B4GALNT3: variants seen among roughly 807,000 people sequenced by gnomAD.
B4GALNT3 encodes the protein beta-1,4-N-acetylgalactosaminyltransferase 3.
A neutral mutation model predicts 120.2 loss-of-function variants in B4GALNT3; 86 were observed. That is an observed-to-expected ratio of 0.72 (90% CI 0.60 to 0.86). B4GALNT3 has a LOEUF of 0.86. Among genes scored for constraint, B4GALNT3 ranks in the 40% least tolerant of loss-of-function variants. B4GALNT3 has a pLI of 0.00. For synonymous variants in B4GALNT3, 518 were observed against 510.4 expected (o/e 1.01, Z -0.20); for missense variants, 1,167 against 1,298.9 (o/e 0.90, Z 1.56).
chr12:496,771 A>C (rs1389392873), intron 1 of B4GALNT3, among the ~76,000 whole-genome samples: 1 of 152,092 alleles, frequency 6.6e-6, no homozygotes, highest in Non-Finnish European at 1.5e-5. Context: ...GGCAACCTCT[A>C]TTCTGCCTTC....
At position 547,970 on chromosome 12, in the gene B4GALNT3, G is replaced by A. The variant is rs74056264; in HGVS notation, c.708-54G>A. On this transcript the variant is annotated intron_variant, in intron 7 of 19. Transcript: ENST00000266383. ...CTGGAAGGGGGTGGGACAGAGCCGC[G>A]ACCCCAGGGCCCATGGAGATGGCGC... is the stretch of plus-strand genomic sequence containing the variant. 1,491 of 1,506,814 alleles carry A rather than the reference G, an allele frequency of 9.9e-4. 14 individuals are homozygous for A. In the African/African-American group the frequency reaches 0.017, roughly 18 times the overall value. The allele number at this position is 1,506,814 out of a possible 1,614,324, so 93.3% of individuals were successfully genotyped here.
intron 1 of B4GALNT3, among the ~76,000 whole-genome samples, chr12:500,864 G>GTTTTTTTTTTTTTTTTTTTTT (rs1565594758): frequency 6.0e-5 from 1 of 16,754 alleles, no homozygotes; most frequent in African/African-American, 3.2e-4. Flanking sequence ...TGGCTCCACT[G>GTTTTTTTTTTTTTTTTTTTTT]CTTTTTTTTT....
In B4GALNT3 at chr12:460,642, G is replaced by C. The variant is rs1946011773; in HGVS notation, c.169+97G>C. On this transcript the variant is annotated intron_variant, in intron 1 of 19. Transcript: ENST00000266383. The surrounding 1 kb of genome is among the most constrained non-coding windows in gnomAD (Gnocchi z 8.0). The stretch of plus-strand genomic sequence containing the variant: ...CGCCTCTCATCCCATCCTCAGACCC[G>C]ATTTCCCACCCATTTCTCCCTCAGG... 8.7e-7 allele frequency: 1 copy of C among 1,145,078 alleles called. No homozygotes were observed. Among genetic ancestry groups the C allele is most frequent in the South Asian group, 3.3e-5 (1 of 30,378 alleles). The allele number at this position is 1,145,078 out of a possible 1,614,324, so 70.9% of individuals were successfully genotyped here.
At chr12:513,629 ATC>A (rs1565599323) in intron 1 of B4GALNT3, among the ~76,000 whole-genome samples, 1 of 152,078 alleles carries the variant, frequency 6.6e-6, no homozygotes, top group Non-Finnish European at 1.5e-5. Flanking sequence ...TATACCTCCT[ATC>A]TCATTCTGTG....
At chr12:512,385 CACCTTCTTCCACCTTTG>C in intron 1 of B4GALNT3, among the ~76,000 whole-genome samples, 1 of 139,014 alleles carries the variant, frequency 7.2e-6, no homozygotes, top group Non-Finnish European at 1.5e-5. Flanking sequence ...TTCCACCTTC[CACCTTCTTCCACCTTTG>C]ACCTTCCACC....
intron 1 of B4GALNT3, among the ~76,000 whole-genome samples, chr12:480,579 A>G (rs1317981077): frequency 6.6e-6 from 1 of 150,620 alleles, no homozygotes; most frequent in African/African-American, 2.5e-5. Context: ...GAGAAAGACT[A>G]TGATAAGGAG....
intron 1 of B4GALNT3, among the ~76,000 whole-genome samples, chr12:461,104 C>T (rs1051746833): frequency 1.3e-5 from 2 of 152,152 alleles, no homozygotes; most frequent in African/African-American, 4.8e-5. Context: ...GTCTCTTCCC[C>T]GCTTCCCATA....
rs561173426 is a variant in B4GALNT3, at chr12:500,256, G to A, written c.170-34910G>A. 5.9e-5 allele frequency among the ~76,000 whole-genome samples: 9 copies of A among 152,202 alleles called. No individual in the cohort carries two copies. In the South Asian group the frequency reaches 1.2e-3, roughly 21 times the overall value. ...ACTCCTGGGCTCAAGCGATCCTCCC[G>A]CCTTGGCCTCCCAAAGTGTTGAGAT... On this transcript the variant is annotated intron_variant, in intron 1 of 19. Transcript: ENST00000266383.
chr12:466,869 C>G (rs1408601643), intron 1 of B4GALNT3, among the ~76,000 whole-genome samples: 1 of 151,782 alleles, frequency 6.6e-6, no homozygotes. Flanking sequence ...TGTGGTTCCT[C>G]TTTTTTTTCA....
At chr12:491,922 G>A (rs186174485) in intron 1 of B4GALNT3, among the ~76,000 whole-genome samples, 136 of 152,056 alleles carry the variant, frequency 8.9e-4, no homozygotes, top group Admixed American at 1.6e-3. Flanking sequence ...GCCAGGTGTG[G>A]TGGTGGGTGC....
At chr12:541,865 C>T (rs1946921838) in intron 3 of B4GALNT3, among the ~76,000 whole-genome samples, 3 of 134,156 alleles carry the variant, frequency 2.2e-5, no homozygotes, top group East Asian at 2.7e-4. Flanking sequence ...CCCCCCACCC[C>T]CCGGCCTCTG....
intron 1 of B4GALNT3, among the ~76,000 whole-genome samples, chr12:500,684 C>T (rs994670608): frequency 4.9e-4 from 74 of 152,148 alleles, no homozygotes; most frequent in African/African-American, 1.8e-3. Context: ...ACCCGGGACC[C>T]ACCAGGCCTT....
At chr12:475,834 A>G (rs1466184457) in intron 1 of B4GALNT3, among the ~76,000 whole-genome samples, 1 of 152,192 alleles carries the variant, frequency 6.6e-6, no homozygotes, top group Admixed American at 6.5e-5. Flanking sequence ...GCTCCAGAGT[A>G]TCTGGTTAGG....
intron 13 of B4GALNT3, 172 bp from the exon 14 acceptor site, chr12:553,022 A>T: frequency 1.2e-6 from 1 of 848,156 alleles, no homozygotes; most frequent in Non-Finnish European, 1.9e-6. Context: ...AACTGGGGTT[A>T]ATTGAGGTTG....
intron 1 of B4GALNT3, among the ~76,000 whole-genome samples, chr12:475,637 TTC>T (rs989778284): frequency 1.4e-4 from 22 of 152,138 alleles, no homozygotes; most frequent in African/African-American, 5.3e-4. Flanking sequence ...CTGCTTATCC[TTC>T]TCTCTCATCT....
In B4GALNT3 at chr12:545,424, C is replaced by G; in HGVS notation, c.594C>G (p.Leu198=). 1.2e-6 allele frequency: 2 copies of G among 1,611,732 alleles called. No individual in the cohort carries two copies. Among genetic ancestry groups the G allele is most frequent in the African/African-American group, 1.3e-5 (1 of 75,004 alleles). The change falls in exon 6 of 20, where the codon CTC becomes CTG. Residue 198 remains leucine, a synonymous_variant. Transcript: ENST00000266383. ...ACAACGCGGAGTTCTGGCTGAGCCT[C>G]GATGACCAGGTCTCAGGCCTCCAGC... ...ADDNAEFWLS[L]DDQVSGLQLL...
chr12:465,809 G>A (rs1274816936), intron 1 of B4GALNT3, among the ~76,000 whole-genome samples: 2 of 146,952 alleles, frequency 1.4e-5, no homozygotes, highest in Admixed American at 1.3e-4. Context: ...ATGGTGCTGG[G>A]GTTGCCTGCC....
intron 19 of B4GALNT3, among the ~76,000 whole-genome samples, chr12:560,840 C>T (rs1370575611): frequency 6.6e-6 from 1 of 152,214 alleles, no homozygotes; most frequent in Non-Finnish European, 1.5e-5. Flanking sequence ...GTGAGAGGGA[C>T]ACCCTGCAGG....
intron 1 of B4GALNT3, among the ~76,000 whole-genome samples, chr12:508,552 C>G (rs1392975414): frequency 2.0e-5 from 3 of 152,158 alleles, no homozygotes; most frequent in Non-Finnish European, 4.4e-5. Flanking sequence ...TAAATTATAC[C>G]CGAGGTTTGG....
Sources: gnomAD v4.1 joint callset for allele counts (sites outside exome capture counted in the v4.1 genomes callset) on GRCh38, gnomAD v4.1.1 for gene constraint, Gnocchi (gnomAD v3.1) non-coding constraint, MANE v1.5 for transcripts, NCBI Gene and HGNC (gene_info 2026-07-23, HGNC 2026-07-21) for gene names.